Variants in COL9A1 observed in about 807,000 individuals in gnomAD.
COL9A1 encodes the protein collagen type IX alpha 1 chain.
Under a neutral mutation model 142.6 loss-of-function variants are expected in COL9A1, and 104 were observed. That is an observed-to-expected ratio of 0.73 (90% CI 0.62 to 0.86). The LOEUF (loss-of-function observed/expected upper bound fraction) is 0.86. COL9A1 is among the 40% of genes least tolerant of loss of function. The pLI is 0.00. For synonymous variants in COL9A1, 466 were observed against 396.0 expected (o/e 1.18, Z -2.10); for missense variants, 1,210 against 1,176.6 (o/e 1.03, Z -0.42).
At chr6:70,241,061 A>G (rs779366698) in intron 31 of COL9A1, among the ~76,000 whole-genome samples, 2 of 152,192 alleles carry the variant, frequency 1.3e-5, no homozygotes, top group Non-Finnish European at 2.9e-5. Flanking sequence ...TAATTCATAT[A>G]AACAGTTTAT....
intron 4 of COL9A1, among the ~76,000 whole-genome samples, chr6:70,295,731 A>G (rs1773829411): frequency 1.3e-5 from 2 of 152,200 alleles, no homozygotes; most frequent in South Asian, 4.1e-4. Flanking sequence ...AGCTACCTGG[A>G]TATTCTTTTG....
chr6:70,223,377 G>C (rs1453960305), intron 37 of COL9A1, among the ~76,000 whole-genome samples: 1 of 152,160 alleles, frequency 6.6e-6, no homozygotes, highest in Admixed American at 6.5e-5. Context: ...AGATGTTCTT[G>C]TTATCACTGT....
At chr6:70,248,249 A>G (rs539936137) in intron 28 of COL9A1, among the ~76,000 whole-genome samples, 1 of 152,342 alleles carries the variant, frequency 6.6e-6, no homozygotes, top group South Asian at 2.1e-4. Context: ...GGCCATAGAG[A>G]AATCCAGAAG....
intron 37 of COL9A1, among the ~76,000 whole-genome samples, chr6:70,219,189 G>A (rs1336105731): frequency 6.6e-6 from 1 of 152,118 alleles, no homozygotes; most frequent in Non-Finnish European, 1.5e-5. Flanking sequence ...CGATTTTCAT[G>A]CACCTTATCA....
At chr6:70,270,119 C>T (rs942244590) in intron 15 of COL9A1, among the ~76,000 whole-genome samples, 195 bp downstream of exon 15, 1 of 152,160 alleles carries the variant, frequency 6.6e-6, no homozygotes, top group African/African-American at 2.4e-5. Context: ...ATAAAAACCA[C>T]CTTTTAAATT....
chr6:70,237,464 T>C (rs1562294634), intron 33 of COL9A1, among the ~76,000 whole-genome samples: 1 of 152,236 alleles, frequency 6.6e-6, no homozygotes, highest in African/African-American at 2.4e-5. Flanking sequence ...TGTGGGACAG[T>C]AGACTTCAAT....
At chr6:70,226,415 T>C (rs1562287412) in intron 36 of COL9A1, among the ~76,000 whole-genome samples, 1 of 152,172 alleles carries the variant, frequency 6.6e-6, no homozygotes, top group Non-Finnish European at 1.5e-5. Context: ...ATCACTAATA[T>C]ATAACTTTTG....
In COL9A1 at chr6:70,282,889, C is replaced by A; in HGVS notation, c.801+9G>T. On this transcript the variant is annotated intron_variant, in intron 7 of 37. Coordinates refer to ENST00000357250, the MANE Select transcript of COL9A1 (RefSeq NM_001851.6). ...TGAAAAATGCAAACACTCCCTGCCC[C>A]CAACTTACCTCGTCGGTGGTCTGGC... 1 of 1,614,200 alleles carries A rather than the reference C, an allele frequency of 6.2e-7. No individual in the cohort carries two copies. Among genetic ancestry groups the A allele is most frequent in the Non-Finnish European group, 8.5e-7 (1 of 1,180,030 alleles).
At chr6:70,262,195 A>G (rs183774282) in intron 19 of COL9A1, among the ~76,000 whole-genome samples, 3 of 152,004 alleles carry the variant, frequency 2.0e-5, no homozygotes, top group East Asian at 3.9e-4. Context: ...CTCTTACACC[A>G]TGTATCCTTA....
chr6:70,240,202 T>C (rs77466834), intron 32 of COL9A1, among the ~76,000 whole-genome samples: 7,277 of 152,276 alleles, frequency 0.048, 244 homozygotes, highest in Non-Finnish European at 0.075. Flanking sequence ...AACAGCCTCC[T>C]CTGGAGATGG....
At chr6:70,242,770 G>A in intron 28 of COL9A1, 55 bp from the exon 29 acceptor site, 1 of 1,521,448 alleles carries the variant, frequency 6.6e-7, no homozygotes, top group Non-Finnish European at 9.1e-7. Flanking sequence ...CAAATGCTTA[G>A]TTACTATGTA....
chr6:70,247,746 A>G (rs1246272722), intron 28 of COL9A1, among the ~76,000 whole-genome samples: 1 of 152,218 alleles, frequency 6.6e-6, no homozygotes, highest in Non-Finnish European at 1.5e-5. Flanking sequence ...TTTACATTAT[A>G]TAGTTTGCAT....
chr6:70,297,694 A>T (rs1018115085), intron 4 of COL9A1, among the ~76,000 whole-genome samples: 4 of 152,188 alleles, frequency 2.6e-5, no homozygotes, highest in African/African-American at 9.7e-5. Context: ...GAAGAATCAT[A>T]AGGGTTTGAA....
intron 33 of COL9A1, 131 bp from the exon 34 acceptor site, chr6:70,235,071 G>A (rs1769820554): frequency 6.0e-6 from 7 of 1,157,928 alleles, no homozygotes; most frequent in Non-Finnish European, 8.8e-6. Flanking sequence ...TCTTTCAGAG[G>A]TTACAAAACC....
intron 37 of COL9A1, among the ~76,000 whole-genome samples, chr6:70,224,175 G>A (rs1769077590): frequency 6.6e-6 from 1 of 152,114 alleles, no homozygotes; most frequent in South Asian, 2.1e-4. Context: ...TCCTAGGGAG[G>A]GCTGCAAATG....
intron 5 of COL9A1, among the ~76,000 whole-genome samples, chr6:70,288,592 C>A (rs970585679): frequency 5.9e-5 from 9 of 152,310 alleles, no homozygotes; most frequent in African/African-American, 2.2e-4. Context: ...CCTCTCCAAC[C>A]TCAATACTTC....
intron 10 of COL9A1, chr6:70,279,750 AG>A: frequency 2.5e-6 from 1 of 401,696 alleles, no homozygotes; most frequent in Middle Eastern, 5.8e-4. Flanking sequence ...CGACAAAGAA[AG>A]CACACCTTAA....
intron 29 of COL9A1, 59 bp downstream of exon 29, chr6:70,242,603 T>C: frequency 6.9e-7 from 1 of 1,444,256 alleles, no homozygotes; most frequent in Non-Finnish European, 9.8e-7. Flanking sequence ...TCCTCTTGCT[T>C]ATTTTTAAAA....
Position 70,279,873 on chromosome 6 carries a change from A to C in COL9A1, c.975+939T>G, listed in dbSNP as rs2127596345. The C allele has an allele frequency of 1.0e-5, 5 of 482,758 alleles. No individual in the cohort carries two copies. The East Asian group carries it at 1.5e-4, about 14-fold the overall frequency. 29.9% of individuals were successfully genotyped at this position (482,758 alleles called of 1,614,324 possible). A position where few individuals can be genotyped will look rare whatever the true frequency, so the allele number is the denominator to read the frequency against. ...TATAGGTTTTCGAGTGCTTTCTTTC[A>C]TTTAGAAAAGTCTTTAGTTTTTGGA... is the stretch of plus-strand genomic sequence containing the variant. On this transcript the variant is annotated intron_variant, in intron 10 of 37. Coordinates refer to ENST00000357250, the MANE Select transcript of COL9A1 (RefSeq NM_001851.6).
Sources: gnomAD v4.1 joint callset for allele counts (sites outside exome capture counted in the v4.1 genomes callset) on GRCh38, gnomAD v4.1.1 for gene constraint, MANE v1.5 for transcripts, NCBI Gene and HGNC (gene_info 2026-07-23, HGNC 2026-07-21) for gene names.